ADCY1: variants seen among roughly 807,000 people sequenced by gnomAD.
ADCY1 encodes the protein adenylate cyclase 1, also known as adenylate cyclase type 1.
ADCY1 carries 28 observed loss-of-function variants against 105.4 expected under a neutral mutation model. The ratio of observed to expected loss-of-function variants is 0.27; its 90% CI spans 0.20 to 0.36. ADCY1 has a LOEUF of 0.36. ADCY1 is among the 10% of genes least tolerant of loss of function. The pLI is 1.00. For missense variants in ADCY1, 977 were observed against 1,434.2 expected, an observed-to-expected ratio of 0.68 and a Z score of 5.15; for synonymous variants, 655 against 623.8, an observed-to-expected ratio of 1.05 and a Z score of -0.75.
rs1463063009 is a variant in ADCY1 at position 45,574,513 on chromosome 7, CCCGCGG to C, written c.-20_-15del. ...GCGCCCCGGGCCGGCGAGGGGCGCG[CCCGCGG>C]CCGCGGCCGCTGCATGGCGCTGAGA... On this transcript the variant is annotated 5_prime_UTR_variant, in exon 1 of 20. Coordinates refer to ENST00000297323, the MANE Select transcript of ADCY1 (RefSeq NM_021116.4). This position sits in a 1 kb window ranked among gnomAD's most constrained non-coding sequence, Gnocchi z 7.0. The C allele has an allele frequency of 1.0e-5, 10 of 973,348 alleles. No homozygotes were observed. The highest frequency in any genetic ancestry group is 8.9e-5 in the African/African-American group (5 of 55,938). 60.3% of individuals were successfully genotyped at this position (973,348 alleles called of 1,614,324 possible).
At chr7:45,678,889 AAATAAT>A (rs10690012) in intron 10 of ADCY1, among the ~76,000 whole-genome samples, 3 of 149,728 alleles carry the variant, frequency 2.0e-5, no homozygotes, top group African/African-American at 7.3e-5. Flanking sequence ...TTGTCTCTAA[AAATAAT>A]AATAATAATA....
At chr7:45,621,711 G>A (rs1793894044) in intron 3 of ADCY1, among the ~76,000 whole-genome samples, 1 of 152,226 alleles carries the variant, frequency 6.6e-6, no homozygotes, top group South Asian at 2.1e-4. Flanking sequence ...AACAAAATAG[G>A]TCATTTTCCT....
chr7:45,621,730 C>T (rs192003402), intron 3 of ADCY1, among the ~76,000 whole-genome samples: 1 of 152,074 alleles, frequency 6.6e-6, no homozygotes, highest in African/African-American at 2.4e-5. Flanking sequence ...CTTTACTTTG[C>T]GTTTATTTCC....
chr7:45,644,926 G>A (rs1237469161), intron 4 of ADCY1, among the ~76,000 whole-genome samples: 1 of 152,180 alleles, frequency 6.6e-6, no homozygotes, highest in African/African-American at 2.4e-5. Context: ...GGAGGTGGGT[G>A]GGAAAGGGAT....
intron 5 of ADCY1, 64 bp downstream of exon 5, chr7:45,648,861 T>C (rs980698799): frequency 1.9e-6 from 3 of 1,588,158 alleles, no homozygotes; most frequent in East Asian, 4.5e-5. Context: ...TCCTAGAAGC[T>C]GAGCCACCTT....
At chr7:45,583,060 G>A (rs1165692986) in intron 1 of ADCY1, among the ~76,000 whole-genome samples, 6 of 152,230 alleles carry the variant, frequency 3.9e-5, no homozygotes, top group Non-Finnish European at 2.9e-5. Flanking sequence ...CCCAGAGCTC[G>A]GGTGTGACTT....
chr7:45,657,903 T>TGGGGGGGG lies in ADCY1; in HGVS notation c.1307+22_1307+23insGGGGGGGG. On this transcript the variant is annotated intron_variant, in intron 6 of 19. Coordinates refer to ENST00000297323, the MANE Select transcript of ADCY1 (RefSeq NM_021116.4). Reference sequence around the variant, plus strand: ...CTGCCAGGGTAAGTCGGGGATGGGGTGGGGAGGGGAGGGAGGTGGGTGATG... The same window carrying TGGGGGGGG: ...CTGCCAGGGTAAGTCGGGGATGGGGTGGGGGGGGGGGGAGGGGAGGGAGGTGGGTGATG... 1.6e-5 allele frequency: 4 copies of TGGGGGGGG among 242,714 alleles called. No individual in the cohort carries two copies. The highest frequency in any genetic ancestry group is 1.1e-4 in the Admixed American group (2 of 18,798). The allele number at this position is 242,714 out of a possible 1,614,324, so 15.0% of individuals were successfully genotyped here. A position where few individuals can be genotyped will look rare whatever the true frequency, so the allele number is the denominator to read the frequency against.
In ADCY1 at chr7:45,721,399, C is replaced by T. The variant is rs371690427; in HGVS notation, c.*7404C>T. On this transcript the variant is annotated 3_prime_UTR_variant, in exon 20 of 20. Transcript: ENST00000297323. ...ACTATATTCTAAAACTATATTTGAG[C>T]GAAACCTGTCATTGCGTCTAATTTC... 5 of 334,816 alleles carry T rather than the reference C, an allele frequency of 1.5e-5. No homozygotes were observed. Among genetic ancestry groups the T allele is most frequent in the Non-Finnish European group, 1.1e-5 (2 of 186,474 alleles). The allele number at this position is 334,816 out of a possible 1,614,324, so 20.7% of individuals were successfully genotyped here. A position where few individuals can be genotyped will look rare whatever the true frequency, so the allele number is the denominator to read the frequency against.
At chr7:45,625,363 C>A (rs1799322528) in intron 4 of ADCY1, among the ~76,000 whole-genome samples, 1 of 152,178 alleles carries the variant, frequency 6.6e-6, no homozygotes, top group Non-Finnish European at 1.5e-5. Flanking sequence ...ACACACGCAT[C>A]AGAGAGTGGG....
intron 1 of ADCY1, among the ~76,000 whole-genome samples, chr7:45,589,473 C>G (rs141132279): frequency 2.4e-4 from 36 of 152,356 alleles, no homozygotes; most frequent in African/African-American, 7.7e-4. Flanking sequence ...GTGACATGTG[C>G]TAAGCCACAT....
At chr7:45,682,358 T>C (rs188759131) in intron 11 of ADCY1, among the ~76,000 whole-genome samples, 54 of 152,242 alleles carry the variant, frequency 3.5e-4, no homozygotes, top group African/African-American at 1.3e-3. Context: ...GGATGTGGAC[T>C]TTTTCTGTCA....
chr7:45,666,040 A>G (rs1230418583), intron 8 of ADCY1, among the ~76,000 whole-genome samples: 1 of 152,186 alleles, frequency 6.6e-6, no homozygotes, highest in Non-Finnish European at 1.5e-5. Context: ...CCACTGATGC[A>G]CCTGAGCCTT....
intron 17 of ADCY1, among the ~76,000 whole-genome samples, chr7:45,706,688 A>G (rs1296065436): frequency 1.3e-5 from 2 of 152,156 alleles, no homozygotes; most frequent in Non-Finnish European, 2.9e-5. Flanking sequence ...TGATTCATGA[A>G]AGAAAAAATT....
intron 2 of ADCY1, among the ~76,000 whole-genome samples, chr7:45,604,940 C>T (rs1793334969): frequency 6.6e-6 from 1 of 152,102 alleles, no homozygotes; most frequent in East Asian, 1.9e-4. Context: ...TAAGTTGAGT[C>T]TTCCAATCCA....
chr7:45,588,961 TCA>T (rs933143252), intron 1 of ADCY1, among the ~76,000 whole-genome samples: 1 of 152,130 alleles, frequency 6.6e-6, no homozygotes, highest in Non-Finnish European at 1.5e-5. Context: ...CCCTGATGCC[TCA>T]GAGTCTAACC....
chr7:45,608,155 A>C (rs1477215888), intron 2 of ADCY1, among the ~76,000 whole-genome samples: 1 of 152,072 alleles, frequency 6.6e-6, no homozygotes, highest in Admixed American at 6.5e-5. Flanking sequence ...CTTCTGTGAG[A>C]TGGTATCTCA....
At chr7:45,711,972 T>C (rs1298391067) in intron 19 of ADCY1, among the ~76,000 whole-genome samples, 1 of 52,606 alleles carries the variant, frequency 1.9e-5, no homozygotes, top group African/African-American at 4.5e-5. Context: ...TATAAATACA[T>C]ATTATATTAA....
At position 45,714,102 on chromosome 7, in the gene ADCY1, G is replaced by A. The variant is rs1785318256; in HGVS notation, c.*107G>A. 3.2e-6 allele frequency: 2 copies of A among 619,258 alleles called. No homozygotes were observed. Among genetic ancestry groups the A allele is most frequent in the Non-Finnish European group, 5.8e-6 (2 of 345,188 alleles). 38.4% of individuals were successfully genotyped at this position (619,258 alleles called of 1,614,324 possible). A position where few individuals can be genotyped will look rare whatever the true frequency, so the allele number is the denominator to read the frequency against. ...ACCAGCCAGACCAGCAGAGCAGGGA[G>A]CCACTTGCCAGGGTGGAGGAGGAGC... is the stretch of plus-strand genomic sequence containing the variant. On this transcript the variant is annotated 3_prime_UTR_variant, in exon 20 of 20. Transcript: ENST00000297323.
chr7:45,644,757 A>G, intron 4 of ADCY1, among the ~76,000 whole-genome samples: 1 of 152,232 alleles, frequency 6.6e-6, no homozygotes, highest in East Asian at 1.9e-4. Context: ...CCATATTTAT[A>G]CAAAAGAGTC....
Sources: allele counts gnomAD v4.1 joint callset (sites outside exome capture counted in the v4.1 genomes callset), GRCh38; gene constraint gnomAD v4.1.1; non-coding constraint Gnocchi (gnomAD v3.1); transcripts MANE v1.5; gene names NCBI Gene and HGNC (gene_info 2026-07-23, HGNC 2026-07-21).